Variants in TSPOAP1 observed in about 807,000 individuals in gnomAD.
TSPOAP1 encodes the protein peripheral-type benzodiazepine receptor-associated protein 1.
TSPOAP1 carries 87 observed loss-of-function variants against 197.0 expected under a neutral mutation model. The observed-to-expected ratio is 0.44, with a 90% CI of 0.37 to 0.53. The LOEUF (loss-of-function observed/expected upper bound fraction) is 0.53, where lower values mean the gene tolerates loss of function less well. Ranked by LOEUF, TSPOAP1 falls within the 20% of genes least tolerant of loss-of-function variation. The pLI, the probability that TSPOAP1 is intolerant of heterozygous loss-of-function variation, is 0.00. For missense variants in TSPOAP1, 2,174 were observed against 2,411.3 expected, an observed-to-expected ratio of 0.90 and a Z score of 2.06; for synonymous variants, 913 against 998.9, an observed-to-expected ratio of 0.91 and a Z score of 1.62.
At chr17:58,311,475 C>A in intron 18 of TSPOAP1, 96 bp downstream of exon 18, 1 of 1,487,948 alleles carries the variant, frequency 6.7e-7, no homozygotes. Flanking sequence ...ATGCCAGGGG[C>A]TGGGCATCTC....
rs2144029275 is a variant in TSPOAP1 at position 58,306,331 on chromosome 17, G to A, written c.5224+11C>T. On this transcript the variant is annotated intron_variant, in intron 26 of 31. Transcript: ENST00000343736. The stretch of plus-strand genomic sequence containing the variant: ...CTCCCAGCACCTGAGAGAGAATGGG[G>A]TCTTACCCACCTTTCTTGGAGCGGC... 1 of 1,552,218 alleles carries A rather than the reference G, an allele frequency of 6.4e-7. No homozygotes were observed. Among genetic ancestry groups the A allele is most frequent in the East Asian group, 2.4e-5 (1 of 41,028 alleles).
At position 58,311,265 on chromosome 17, in the gene TSPOAP1, C is replaced by T. The variant is rs9674726; in HGVS notation, c.3082-52G>A. 0.01 allele frequency: 16,487 copies of T among 1,589,944 alleles called. 1,519 individuals carry two copies. In the African/African-American group the frequency reaches 0.19, roughly 19 times the overall value. Reference sequence around the variant, plus strand: ...GGAAGCAGAGGCTGAGACAGCCAAGCGTGAGGATGCACTGACAGCAGTGGC... The same window carrying T: ...GGAAGCAGAGGCTGAGACAGCCAAGTGTGAGGATGCACTGACAGCAGTGGC... On this transcript the variant is annotated intron_variant, in intron 18 of 31. Coordinates refer to ENST00000343736, the MANE Select transcript of TSPOAP1 (RefSeq NM_004758.4).
intron 25 of TSPOAP1, 59 bp from the exon 26 acceptor site, chr17:58,306,472 A>T (rs1341825026): frequency 6.9e-7 from 1 of 1,451,654 alleles, no homozygotes; most frequent in African/African-American, 1.4e-5. Flanking sequence ...CAGGACTGGG[A>T]CTCTGGAGTT....
In TSPOAP1 at chr17:58,308,932, C is replaced by T. The variant is rs535567167; in HGVS notation, c.4340G>A (p.Arg1447Gln). 7 of 1,600,404 alleles carry T rather than the reference C, an allele frequency of 4.4e-6. No homozygotes were observed. The highest frequency in any genetic ancestry group is 2.2e-5 in the East Asian group (1 of 44,764). Residue 1447 changes from arginine to glutamine, a missense_variant, in exon 22 of 32, where the codon CGG becomes CAG. Coordinates refer to ENST00000343736, the MANE Select transcript of TSPOAP1 (RefSeq NM_004758.4). ...AATTACGGGGAGGCCACCCCTCTCC[C>T]GTGTGGGGCCCAGTCGTCCAGAGGC... is the stretch of plus-strand genomic sequence containing the variant. ...PQASGRLGPTRERGGLPVIEG... is the reference protein window; with the variant it reads ...PQASGRLGPTQERGGLPVIEG...
Position 58,326,592 on chromosome 17 carries a change from C to A in TSPOAP1, c.441+91G>T, listed in dbSNP as rs1026363955. On this transcript the variant is annotated intron_variant, in intron 2 of 31. Transcript: ENST00000343736. This position sits in a 1 kb window ranked among gnomAD's most constrained non-coding sequence, Gnocchi z 4.7. Reference sequence around the variant, plus strand: ...GATTTTGTCACCTCCATTGAGCCCCCACTTGGAAAGATGTTCATGGGGTGA... The same window carrying A: ...GATTTTGTCACCTCCATTGAGCCCCAACTTGGAAAGATGTTCATGGGGTGA... 3.6e-5 allele frequency: 55 copies of A among 1,542,696 alleles called. No homozygotes were observed. The highest frequency in any genetic ancestry group is 1.7e-4 in the Middle Eastern group (1 of 5,792).
Position 58,311,032 on chromosome 17 carries a change from G to T in TSPOAP1, c.3263C>A (p.Ser1088Tyr). 6.3e-7 allele frequency: 1 copy of T among 1,590,680 alleles called. No individual in the cohort carries two copies. The highest frequency in any genetic ancestry group is 8.6e-7 in the Non-Finnish European group (1 of 1,168,514). ...TGGGCTTGGGTGCGGTGAGGGGCAG[G>T]AGACTCGGGCTGGCAGGCTGGCCGG... The part of the protein sequence containing the change: ...LAPASLPARV[S>Y]CPSPHPSPEA... The change falls in exon 19 of 32, where the codon TCC becomes TAC. Residue 1088 changes from serine (S) to tyrosine (Y), a missense_variant. Physicochemically the swap from Ser to Tyr is moderately radical, Grantham distance 144. Coordinates refer to ENST00000343736, the MANE Select transcript of TSPOAP1 (RefSeq NM_004758.4).
At position 58,326,610 on chromosome 17, in the gene TSPOAP1, T is replaced by C. The variant is rs528011644; in HGVS notation, c.441+73A>G. On this transcript the variant is annotated intron_variant, in intron 2 of 31. Transcript: ENST00000343736. The surrounding 1 kb of genome is among the most constrained non-coding windows in gnomAD (Gnocchi z 4.7). ...GAGCCCCCACTTGGAAAGATGTTCA[T>C]GGGGTGAGGAGGGCACTGAGGCAGA... The C allele has an allele frequency of 1.1e-3, 1,750 of 1,560,298 alleles. 1 individual carries two copies. Among genetic ancestry groups the C allele is most frequent in the Non-Finnish European group, 1.4e-3 (1,642 of 1,135,604 alleles).
intron 11 of TSPOAP1, 63 bp downstream of exon 11, chr17:58,320,468 T>G: frequency 3.4e-6 from 5 of 1,451,418 alleles, no homozygotes; most frequent in Non-Finnish European, 4.6e-6. Flanking sequence ...TTCAGCTCTA[T>G]CTGGAGGACC....
rs554650161 is a variant in TSPOAP1, at chr17:58,309,865, T to C, written c.3891+102A>G. On this transcript the variant is annotated intron_variant, in intron 21 of 31. Transcript: ENST00000343736. The surrounding 1 kb of genome is among the most constrained non-coding windows in gnomAD (Gnocchi z 5.0). Reference sequence around the variant, plus strand: ...CAGGGCCCAGGCCACAGACCTAGAATGTTTCTGGCACTCAGTGGTGGTCAG... The same window carrying C: ...CAGGGCCCAGGCCACAGACCTAGAACGTTTCTGGCACTCAGTGGTGGTCAG... The C allele has an allele frequency of 4.8e-5, 68 of 1,427,048 alleles. No individual in the cohort carries two copies. Among genetic ancestry groups the C allele is most frequent in the Non-Finnish European group, 6.2e-5 (65 of 1,056,432 alleles). 88.4% of individuals were successfully genotyped at this position (1,427,048 alleles called of 1,614,324 possible).
At chr17:58,302,975 C>T (rs1237651745) in intron 31 of TSPOAP1, 7 of 152,400 alleles carry the variant, frequency 4.6e-5, no homozygotes, top group Admixed American at 2.6e-4. Context: ...AGTACCCACT[C>T]CATGGGGAGG....
In TSPOAP1 at chr17:58,305,698, C is replaced by T. The variant is rs1323373305; in HGVS notation, c.5258-55G>A. On this transcript the variant is annotated intron_variant, in intron 27 of 31. Coordinates refer to ENST00000343736, the MANE Select transcript of TSPOAP1 (RefSeq NM_004758.4). Reference sequence around the variant, plus strand: ...CTCTCTGGAGAGCCCTACACCCCATCCTGTCTTCTGCCCCGGACCCCTGCT... The same window carrying T: ...CTCTCTGGAGAGCCCTACACCCCATTCTGTCTTCTGCCCCGGACCCCTGCT... 1.7e-5 allele frequency: 23 copies of T among 1,377,372 alleles called. No individual in the cohort carries two copies. In the East Asian group the frequency reaches 4.2e-4, roughly 25 times the overall value. The allele number at this position is 1,377,372 out of a possible 1,614,324, so 85.3% of individuals were successfully genotyped here.
At position 58,305,866 on chromosome 17, in the gene TSPOAP1, C is replaced by T. The variant is rs752821231; in HGVS notation, c.5225-1G>A. ...GGCTGGGCAGGGCCTTCCGACTCAG[C>T]TGTGGAAAGAATGTGCCTGTGAGCC... is the stretch of plus-strand genomic sequence containing the variant. On this transcript the variant is annotated splice_acceptor_variant, in intron 26 of 31. Coordinates refer to ENST00000343736, the MANE Select transcript of TSPOAP1 (RefSeq NM_004758.4). LOFTEE classifies it high-confidence loss of function. 1.9e-6 allele frequency: 3 copies of T among 1,612,434 alleles called. No homozygotes were observed. The highest frequency in any genetic ancestry group is 2.2e-5 in the South Asian group (2 of 91,066).
At position 58,309,698 on chromosome 17, in the gene TSPOAP1, G is replaced by T. The variant is rs927244237; in HGVS notation, c.3891+269C>A. On this transcript the variant is annotated intron_variant, in intron 21 of 31. Coordinates refer to ENST00000343736, the MANE Select transcript of TSPOAP1 (RefSeq NM_004758.4). The surrounding 1 kb of genome is among the most constrained non-coding windows in gnomAD (Gnocchi z 5.0). The stretch of plus-strand genomic sequence containing the variant: ...GAAGCTACCAGCACAAGGATCTTAG[G>T]TGGCACCGGCCTCCCCTGGCCAGGG... 2.6e-5 allele frequency among the ~76,000 whole-genome samples: 4 copies of T among 152,226 alleles called. No homozygotes were observed. The highest frequency in any genetic ancestry group is 4.4e-5 in the Non-Finnish European group (3 of 68,036).
At chr17:58,320,747 C>T (rs1051415579) in intron 10 of TSPOAP1, among the ~76,000 whole-genome samples, 166 bp from the exon 11 acceptor site, 3 of 151,916 alleles carry the variant, frequency 2.0e-5, no homozygotes, top group South Asian at 2.1e-4. Flanking sequence ...AGGGGGAGGC[C>T]GAAGGGTTTC....
Position 58,320,031 on chromosome 17 carries a change from G to GA in TSPOAP1, c.1494+77dup. The GA allele has an allele frequency of 1.1e-5, 17 of 1,565,542 alleles. No homozygotes were observed. In the South Asian group the frequency reaches 1.8e-4, roughly 16 times the overall value. Reference sequence around the variant, plus strand: ...CCCCCTCTGCTGGATGAGAGAGGGGGACTGCCTGGGCCCTGAGGGAGGAGA... The same window carrying GA: ...CCCCCTCTGCTGGATGAGAGAGGGGGAACTGCCTGGGCCCTGAGGGAGGAGA... On this transcript the variant is annotated intron_variant, in intron 12 of 31. Transcript: ENST00000343736.
At position 58,310,751 on chromosome 17, in the gene TSPOAP1, C is replaced by T; in HGVS notation, c.3460G>A (p.Glu1154Lys). 1.2e-6 allele frequency: 2 copies of T among 1,611,292 alleles called. No individual in the cohort carries two copies. The highest frequency in any genetic ancestry group is 1.7e-6 in the Non-Finnish European group (2 of 1,178,688). ...CCCAGCACTGCTGCCCCAGCCTCCT[C>T]CTGGAACAGAGAGCACTGAGGAAGG... ...HEDPPAPCSQ[E>K]EAGAAVLGTS... Residue 1154 changes from glutamate to lysine, a missense_variant and splice_region_variant, in exon 20 of 32, where the codon GAG becomes AAG. Physicochemically the swap from Glu to Lys is moderately conservative, Grantham distance 56. Transcript: ENST00000343736.
chr17:58,305,869 T>C lies in TSPOAP1; in HGVS notation c.5225-4A>G. 6.2e-7 allele frequency: 1 copy of C among 1,612,192 alleles called. No homozygotes were observed. On this transcript the variant is annotated splice_polypyrimidine_tract_variant and splice_region_variant and intron_variant, in intron 26 of 31. Transcript: ENST00000343736. The stretch of plus-strand genomic sequence containing the variant: ...TGGGCAGGGCCTTCCGACTCAGCTG[T>C]GGAAAGAATGTGCCTGTGAGCCCCC...
chr17:58,310,954 G>A lies in TSPOAP1; in HGVS notation c.3341C>T (p.Ser1114Phe). Residue 1114 changes from serine (S) to phenylalanine (F), a missense_variant, in exon 19 of 32, where the codon TCT (serine) becomes TTT (phenylalanine). Transcript: ENST00000343736. ...SASPGPGDPSSPLQHPAPLGT... is the reference protein window; with the variant it reads ...SASPGPGDPSFPLQHPAPLGT... ...AAGGGGAGCAGGGTGCTGGAGAGGAGAGCTGGGGTCTCCAGGCCCTGGGGA... is the reference window on the plus strand; with the variant it reads ...AAGGGGAGCAGGGTGCTGGAGAGGAAAGCTGGGGTCTCCAGGCCCTGGGGA... 1 of 1,584,478 alleles carries A rather than the reference G, an allele frequency of 6.3e-7. No individual in the cohort carries two copies. The highest frequency in any genetic ancestry group is 8.6e-7 in the Non-Finnish European group (1 of 1,167,112).
At chr17:58,312,799 C>A in intron 16 of TSPOAP1, 77 bp from the exon 17 acceptor site, 1 of 1,191,996 alleles carries the variant, frequency 8.4e-7, no homozygotes, top group Admixed American at 2.7e-5. Flanking sequence ...ATAATAAATG[C>A]ATTTTAGCAA....
Sources: allele counts gnomAD v4.1 joint callset (sites outside exome capture counted in the v4.1 genomes callset), GRCh38; gene constraint gnomAD v4.1.1; non-coding constraint Gnocchi (gnomAD v3.1); transcripts MANE v1.5; gene names NCBI Gene and HGNC (gene_info 2026-07-23, HGNC 2026-07-21).